The following ATP1A3 variants were observed in gnomAD, a reference collection of about 807,000 sequenced individuals.
ATP1A3 encodes the protein sodium/potassium-transporting ATPase subunit alpha-3.
A neutral mutation model predicts 108.8 loss-of-function variants in ATP1A3; 12 were observed. The observed-to-expected ratio is 0.11, with a 90% CI of 0.07 to 0.18. The LOEUF is 0.18. ATP1A3 is among the 10% of genes least tolerant of loss of function. ATP1A3 has a pLI of 1.00. For missense variants in ATP1A3, 498 were observed against 1,387.7 expected, an observed-to-expected ratio of 0.36 and a Z score of 10.19; for synonymous variants, 539 against 564.5, an observed-to-expected ratio of 0.95 and a Z score of 0.64.
At position 41,975,610 on chromosome 19, in the gene ATP1A3, C is replaced by T; in HGVS notation, c.2263+19G>A. On this transcript the variant is annotated intron_variant, in intron 16 of 22. Coordinates refer to ENST00000648268, the MANE Select transcript of ATP1A3 (RefSeq NM_152296.5). ...CCGGTAGTGACCCTGGTCTCCAGGG[C>T]CACCCCTGGCCAACTCACCCTCCTC... 1 of 1,613,764 alleles carries T rather than the reference C, an allele frequency of 6.2e-7. No individual in the cohort carries two copies.
At chr19:41,991,932 G>C (rs2072261285) in intron 1 of ATP1A3, among the ~76,000 whole-genome samples, 1 of 149,188 alleles carries the variant, frequency 6.7e-6, no homozygotes, top group South Asian at 2.1e-4. Context: ...CTGGGTCTGA[G>C]GGAGGAGGGG....
chr19:41,978,779 T>C lies in ATP1A3; in HGVS notation c.1457A>G (p.Glu486Gly). 1 of 1,613,982 alleles carries C rather than the reference T, an allele frequency of 6.2e-7. No homozygotes were observed. Among genetic ancestry groups the C allele is most frequent in the Non-Finnish European group, 8.5e-7 (1 of 1,179,974 alleles). Reference sequence around the variant, plus strand: ...CAGGTATCGGTTGTCGTTGGGGTCCTCGGTCTCATGGATGGAGAGCTGGGG... The same window carrying C: ...CAGGTATCGGTTGTCGTTGGGGTCCCCGGTCTCATGGATGGAGAGCTGGGG... Reference protein sequence around the residue: ...NKYQLSIHETEDPNDNRYLLV... With the variant: ...NKYQLSIHETGDPNDNRYLLV... The change falls in exon 12 of 23, where the codon GAG becomes GGG. Residue 486 changes from glutamate (E) to glycine (G), a missense_variant. Glu to Gly is a moderately conservative substitution (Grantham distance 98). Transcript: ENST00000648268. This position sits in a 1 kb window ranked among gnomAD's most constrained non-coding sequence, Gnocchi z 8.3.
rs1197674034 is a variant in ATP1A3 at position 41,973,034 on chromosome 19, T to C, written c.2264-2492A>G. Among the ~76,000 whole-genome samples, 75 of 152,166 alleles carry C rather than the reference T, an allele frequency of 4.9e-4. 1 individual carries two copies. The highest frequency in any genetic ancestry group is 4.9e-3 in the Admixed American group (75 of 15,264). ...CCTGATATTCTCGTTCCCTGCATTG[T>C]GCTCTTCTCCACAAACTAGGGGTTT... On this transcript the variant is annotated intron_variant, in intron 16 of 22. Coordinates refer to ENST00000648268, the MANE Select transcript of ATP1A3 (RefSeq NM_152296.5).
intron 15 of ATP1A3, 88 bp downstream of exon 15, chr19:41,976,328 T>C (rs2075170106): frequency 6.7e-7 from 1 of 1,503,134 alleles, no homozygotes; most frequent in African/African-American, 1.4e-5. Context: ...CAGCCCCTCC[T>C]CCCTCAGACC....
chr19:41,970,919 A>C (rs1034009916), intron 16 of ATP1A3, among the ~76,000 whole-genome samples: 2 of 148,016 alleles, frequency 1.4e-5, no homozygotes, highest in African/African-American at 5.0e-5. Context: ...GGCGTGAGCC[A>C]CCGCGCCCGG....
chr19:41,977,796 G>A, intron 14 of ATP1A3, 140 bp downstream of exon 14: 2 of 1,288,212 alleles, frequency 1.6e-6, no homozygotes, highest in Non-Finnish European at 2.1e-6. Context: ...CGGAGGGAGG[G>A]CCAGACCCAG....
chr19:41,989,134 C>T (rs190089679), intron 1 of ATP1A3, among the ~76,000 whole-genome samples: 2 of 150,232 alleles, frequency 1.3e-5, no homozygotes, highest in South Asian at 2.1e-4. Context: ...GAAATGGGGT[C>T]TCACTACACT....
In ATP1A3 at chr19:41,988,298, A is replaced by C; in HGVS notation, c.153+20T>G. 1.2e-6 allele frequency: 2 copies of C among 1,614,000 alleles called. No individual in the cohort carries two copies. Among genetic ancestry groups the C allele is most frequent in the Non-Finnish European group, 1.7e-6 (2 of 1,179,908 alleles). ...CCTCCTCCCTAGTTCCCAGGGTCCC[A>C]GCCCACAGCCTGGCCACACCTGCAC... On this transcript the variant is annotated intron_variant, in intron 3 of 22. Coordinates refer to ENST00000648268, the MANE Select transcript of ATP1A3 (RefSeq NM_152296.5). The surrounding 1 kb of genome is among the most constrained non-coding windows in gnomAD (Gnocchi z 5.3).
chr19:41,984,813 T>A, intron 8 of ATP1A3, 105 bp downstream of exon 8: 34 of 1,185,336 alleles, frequency 2.9e-5, no homozygotes, highest in East Asian at 3.5e-5. Flanking sequence ...CTCTAGCCCC[T>A]CCTCCCTCAG....
intron 14 of ATP1A3, 123 bp downstream of exon 14, chr19:41,977,813 G>A: frequency 7.0e-7 from 1 of 1,437,660 alleles, no homozygotes; most frequent in Non-Finnish European, 9.4e-7. Context: ...CCAGGGCCTG[G>A]TCCATGGAGG....
intron 1 of ATP1A3, among the ~76,000 whole-genome samples, chr19:41,989,243 A>T (rs2075313825): frequency 6.8e-6 from 1 of 146,858 alleles, no homozygotes; most frequent in Non-Finnish European, 1.5e-5. Context: ...CCCCACCTCT[A>T]TGTGACATTT....
intron 1 of ATP1A3, 99 bp downstream of exon 1, chr19:41,993,972 G>A (rs1320222352): frequency 6.4e-7 from 1 of 1,567,806 alleles, no homozygotes; most frequent in Non-Finnish European, 8.6e-7. Flanking sequence ...CCTGGCCCCG[G>A]AGCGCAGGGG....
intron 11 of ATP1A3, among the ~76,000 whole-genome samples, chr19:41,980,596 G>A (rs2075220572): frequency 1.3e-5 from 2 of 151,540 alleles, no homozygotes; most frequent in African/African-American, 4.9e-5. Flanking sequence ...CTGGGCGACA[G>A]AGCAAGACTC....
chr19:41,969,590 G>T lies in ATP1A3; in HGVS notation c.2543-10C>A. The T allele has an allele frequency of 6.2e-7, 1 of 1,613,556 alleles. No homozygotes were observed. On this transcript the variant is annotated splice_polypyrimidine_tract_variant and intron_variant, in intron 18 of 22. Coordinates refer to ENST00000648268, the MANE Select transcript of ATP1A3 (RefSeq NM_152296.5). Reference sequence around the variant, plus strand: ...AGAGCCTGGATCATTCCTGGAAGGAGGAGAGAGGAAGCCGAGGAGAGGCTC... The same window carrying T: ...AGAGCCTGGATCATTCCTGGAAGGATGAGAGAGGAAGCCGAGGAGAGGCTC...
chr19:41,980,186 T>C (rs545493113), intron 11 of ATP1A3, among the ~76,000 whole-genome samples: 2 of 152,372 alleles, frequency 1.3e-5, no homozygotes, highest in East Asian at 3.9e-4. Flanking sequence ...TACCTCCTCA[T>C]GCCTTTGTTA....
At chr19:41,993,882 G>T (rs2145995002) in intron 1 of ATP1A3, 189 bp downstream of exon 1, 2 of 1,068,682 alleles carry the variant, frequency 1.9e-6, no homozygotes, top group African/African-American at 1.6e-5. Flanking sequence ...GCCAACGTGC[G>T]CCACAGACCC....
rs377758618 is a variant in ATP1A3, at chr19:41,968,874, C to T, written c.2730G>A (p.Thr910=). The stretch of plus-strand genomic sequence containing the variant: ...CGACAACGATGCTCACAAAGAAGGC[C>T]GTGTGGCAGGTGAACTCCACCACCT... ...QRKVVEFTCH[T]AFFVSIVVVQ... is the part of the protein sequence containing the mutation. Residue 910 remains threonine, a synonymous_variant, in exon 20 of 23, where the codon ACG becomes ACA. Coordinates refer to ENST00000648268, the MANE Select transcript of ATP1A3 (RefSeq NM_152296.5). The surrounding 1 kb of genome is among the most constrained non-coding windows in gnomAD (Gnocchi z 5.0). The T allele has an allele frequency of 2.1e-5, 34 of 1,613,982 alleles. No homozygotes were observed. The highest frequency in any genetic ancestry group is 2.5e-5 in the Non-Finnish European group (30 of 1,179,982).
At chr19:41,983,075 C>G (rs2075250726) in intron 8 of ATP1A3, among the ~76,000 whole-genome samples, 1 of 152,028 alleles carries the variant, frequency 6.6e-6, no homozygotes, top group Non-Finnish European at 1.5e-5. Flanking sequence ...ATATGGAAAA[C>G]AGTAAACTTT....
In ATP1A3 at chr19:41,970,486, T is replaced by C. The variant is rs782204727; in HGVS notation, c.2320A>G (p.Ile774Val). The C allele has an allele frequency of 6.2e-7, 1 of 1,614,124 alleles. No individual in the cohort carries two copies. The highest frequency in any genetic ancestry group is 1.1e-5 in the South Asian group (1 of 91,078). Residue 774 changes from isoleucine (I) to valine (V), a missense_variant, in exon 17 of 23, where the codon ATC (isoleucine) becomes GTC (valine). Ile to Val is a conservative substitution (Grantham distance 29). This residue lies in a region of ATP1A3 where 121 missense variants were observed against 425.1 expected (regional missense o/e 0.28). Transcript: ENST00000648268. ...AGCAGGAAGGGCGTGATCTCCGGGA[T>C]ATTGCTGGTCAGGGTGTAGGCAATG... ...KSIAYTLTSN[I>V]PEITPFLLFI...
Sources: allele counts gnomAD v4.1 joint callset (sites outside exome capture counted in the v4.1 genomes callset), GRCh38; gene constraint gnomAD v4.1.1; regional missense constraint gnomAD v4.1.1; non-coding constraint Gnocchi (gnomAD v3.1); transcripts MANE v1.5; gene names NCBI Gene and HGNC (gene_info 2026-07-23, HGNC 2026-07-21).